SFMBT2: variants seen among roughly 807,000 people sequenced by gnomAD.
SFMBT2 encodes the protein scm-like with four MBT domains protein 2.
SFMBT2 carries 38 observed loss-of-function variants against 110.1 expected under a neutral mutation model. That is an observed-to-expected ratio of 0.35 (90% confidence interval 0.27 to 0.45). SFMBT2 has a LOEUF of 0.45. Ranked by LOEUF, SFMBT2 falls within the 20% of genes least tolerant of loss-of-function variation. The pLI, the probability that SFMBT2 is intolerant of heterozygous loss-of-function variation, is 1.00. For synonymous variants in SFMBT2, 425 were observed against 425.4 expected (o/e 1.00, Z 0.01); for missense variants, 1,011 against 1,094.9 (o/e 0.92, Z 1.08).
At chr10:7,286,095 C>T (rs534919320) in intron 4 of SFMBT2, 141 bp from the exon 5 acceptor site, 2 of 614,514 alleles carry the variant, frequency 3.3e-6, no homozygotes, top group South Asian at 1.9e-5. Context: ...ACTTTCATCA[C>T]CATGCTTAAG....
chr10:7,276,980 G>C lies in SFMBT2; in HGVS notation c.782C>G (p.Pro261Arg), dbSNP rs1274221321. The C allele has an allele frequency of 1.1e-6, 1 of 872,398 alleles. No individual in the cohort carries two copies. Among genetic ancestry groups the C allele is most frequent in the South Asian group, 1.3e-5 (1 of 76,516 alleles). 54.0% of individuals were successfully genotyped at this position (872,398 alleles called of 1,614,324 possible). ...YRMDPPSEIY[P>R]LKMASEWKCT... The stretch of plus-strand genomic sequence containing the variant: ...TTTCCATTCAGAGGCCATCTTCAAA[G>C]GATAGATTTCTGTATCAACAGCAAA... The change falls in exon 7 of 21, where the codon CCT (proline) becomes CGT (arginine). Residue 261 changes from proline to arginine, a missense_variant. By Grantham distance (103) the Pro-to-Arg change is moderately radical. Around this residue, in one of 2 missense-constraint regions of SFMBT2, gnomAD observed 979 missense variants for 1,016.1 expected, o/e 0.96. Coordinates refer to ENST00000397167, the MANE Select transcript of SFMBT2 (RefSeq NM_001387889.1).
At position 7,395,701 on chromosome 10, in the gene SFMBT2, C is replaced by CTTT. The variant is rs34293825; in HGVS notation, c.-51-13755_-51-13753dup. ...TTTTACATTTTAATTTCTAAAAGCTCTTTTTTTTTTTTTTTAATGCTTGTA... is the reference window on the plus strand; with the variant it reads ...TTTTACATTTTAATTTCTAAAAGCTCTTTTTTTTTTTTTTTTTTAATGCTTGTA... On this transcript the variant is annotated intron_variant, in intron 1 of 20. Transcript: ENST00000397167. Among the ~76,000 whole-genome samples, 175 of 135,600 alleles carry CTTT rather than the reference C, an allele frequency of 1.3e-3. 2 individuals carry two copies. The highest frequency in any genetic ancestry group is 4.5e-3 in the African/African-American group (162 of 36,038). The allele number at this position is 135,600 out of a possible 152,430, so 89.0% of individuals were successfully genotyped here. A position where few individuals can be genotyped will look rare whatever the true frequency, so the allele number is the denominator to read the frequency against.
At chr10:7,393,351 C>T (rs573515143) in intron 1 of SFMBT2, among the ~76,000 whole-genome samples, 1 of 152,176 alleles carries the variant, frequency 6.6e-6, no homozygotes, top group East Asian at 1.9e-4. Flanking sequence ...TATTCTTACA[C>T]ATACAAGGCT....
chr10:7,175,981 T>C lies in SFMBT2; in HGVS notation c.1984+9A>G. On this transcript the variant is annotated intron_variant, in intron 17 of 20. Transcript: ENST00000397167. ...CTCATGCATTTCTTTTTTCATTATTTGTACTTACTGTATTTGGTTTTGGTA... is the reference window on the plus strand; with the variant it reads ...CTCATGCATTTCTTTTTTCATTATTCGTACTTACTGTATTTGGTTTTGGTA... 1.2e-6 allele frequency: 2 copies of C among 1,606,838 alleles called. No individual in the cohort carries two copies. The highest frequency in any genetic ancestry group is 1.7e-6 in the Non-Finnish European group (2 of 1,174,478).
intron 4 of SFMBT2, among the ~76,000 whole-genome samples, chr10:7,297,106 C>T (rs1416820450): frequency 1.3e-5 from 2 of 152,174 alleles, no homozygotes; most frequent in South Asian, 2.1e-4. Context: ...ATTGCCCTAC[C>T]GTTACTTTTC....
chr10:7,383,967 T>G (rs1433736070), intron 1 of SFMBT2, among the ~76,000 whole-genome samples: 2 of 151,788 alleles, frequency 1.3e-5, no homozygotes, highest in African/African-American at 2.4e-5. Flanking sequence ...TCCCAGCACT[T>G]TGGGAGGCTG....
chr10:7,326,375 A>T (rs1351641067), intron 4 of SFMBT2, among the ~76,000 whole-genome samples: 1 of 152,222 alleles, frequency 6.6e-6, no homozygotes, highest in East Asian at 1.9e-4. Context: ...GACATTTGAC[A>T]TCCTTAGCCC....
intron 4 of SFMBT2, among the ~76,000 whole-genome samples, chr10:7,333,710 C>A (rs936048740): frequency 2.6e-5 from 4 of 151,474 alleles, no homozygotes; most frequent in Non-Finnish European, 1.5e-5. Context: ...CCCTACACGG[C>A]CTCCCCGCTT....
intron 9 of SFMBT2, among the ~76,000 whole-genome samples, chr10:7,230,482 G>A (rs1588364687): frequency 3.9e-5 from 6 of 152,282 alleles, no homozygotes; most frequent in Admixed American, 2.6e-4. Context: ...CTCAAGACAC[G>A]TCAAACGGAG....
At chr10:7,223,918 G>A (rs1839826368) in intron 10 of SFMBT2, among the ~76,000 whole-genome samples, 1 of 152,142 alleles carries the variant, frequency 6.6e-6, no homozygotes, top group Non-Finnish European at 1.5e-5. Context: ...CCCTTTAAAG[G>A]ACCACTGCTT....
intron 4 of SFMBT2, among the ~76,000 whole-genome samples, chr10:7,361,340 A>T (rs539225335): frequency 6.9e-4 from 105 of 152,324 alleles, no homozygotes; most frequent in African/African-American, 2.4e-3. Flanking sequence ...ACACAACCTA[A>T]TTCTACTTTT....
At chr10:7,286,612 T>C (rs1476700141) in intron 4 of SFMBT2, among the ~76,000 whole-genome samples, 1 of 152,246 alleles carries the variant, frequency 6.6e-6, no homozygotes, top group Non-Finnish European at 1.5e-5. Context: ...ACTATTTACA[T>C]AGTATCTACA....
chr10:7,198,304 T>C (rs1356882286), intron 14 of SFMBT2: 1 of 221,124 alleles, frequency 4.5e-6, no homozygotes, highest in Non-Finnish European at 7.6e-6. Context: ...GTCTAGTCTC[T>C]TACTGCTGGA....
chr10:7,333,057 G>C (rs1843611597), intron 4 of SFMBT2, among the ~76,000 whole-genome samples: 1 of 150,204 alleles, frequency 6.7e-6, no homozygotes, highest in African/African-American at 2.5e-5. Flanking sequence ...AGTAGAGATG[G>C]GGTTTCTCCA....
Position 7,356,405 on chromosome 10 carries a change from T to C in SFMBT2, c.436+11244A>G, listed in dbSNP as rs1171150912. ...CACTAGCTACTGCGTTTTGTTGTTG[T>C]TGTTGTTTTGTTTTGTTTTGTTTTG... On this transcript the variant is annotated intron_variant, in intron 4 of 20. Coordinates refer to ENST00000397167, the MANE Select transcript of SFMBT2 (RefSeq NM_001387889.1). Among the ~76,000 whole-genome samples, 5 of 152,044 alleles carry C rather than the reference T, an allele frequency of 3.3e-5. No homozygotes were observed. The East Asian group carries it at 5.8e-4, about 18-fold the overall frequency.
At chr10:7,186,100 TA>T (rs1838393785) in intron 16 of SFMBT2, among the ~76,000 whole-genome samples, 1 of 152,136 alleles carries the variant, frequency 6.6e-6, no homozygotes, top group Admixed American at 6.5e-5. Flanking sequence ...GGTTGTTGGA[TA>T]AATAGGGGAA....
chr10:7,270,000 T>C (rs1373006437), intron 7 of SFMBT2, among the ~76,000 whole-genome samples: 1 of 151,940 alleles, frequency 6.6e-6, no homozygotes, highest in Non-Finnish European at 1.5e-5. Flanking sequence ...TCAGATTGGG[T>C]TGAAGAGTGT....
Position 7,221,225 on chromosome 10 carries a change from G to A in SFMBT2, c.1204-688C>T, listed in dbSNP as rs1053714585. Among the ~76,000 whole-genome samples the A allele has an allele frequency of 5.9e-5, 9 of 152,002 alleles. No individual in the cohort carries two copies. The South Asian group carries it at 6.2e-4, about 11-fold the overall frequency. ...AAGTGGGAACACGGAATTTCCATCC[G>A]GCATCATTTTCCTTTACAGGAAATG... On this transcript the variant is annotated intron_variant, in intron 10 of 20. Transcript: ENST00000397167.
At chr10:7,312,263 A>G (rs1006213627) in intron 4 of SFMBT2, among the ~76,000 whole-genome samples, 4 of 152,192 alleles carry the variant, frequency 2.6e-5, no homozygotes, top group African/African-American at 9.7e-5. Context: ...GGCATAAGCC[A>G]TAGGCTTGTA....
Sources: gnomAD v4.1 joint callset for allele counts (sites outside exome capture counted in the v4.1 genomes callset) on GRCh38, gnomAD v4.1.1 for gene constraint, gnomAD v4.1.1 regional missense constraint, MANE v1.5 for transcripts, NCBI Gene and HGNC (gene_info 2026-07-23, HGNC 2026-07-21) for gene names.